DISC1: variants seen among roughly 807,000 people sequenced by gnomAD.
The protein encoded by DISC1 is disrupted in schizophrenia 1 protein.
In DISC1, 57 loss-of-function variants were observed where a neutral mutation model predicts 84.5. The observed-to-expected ratio is 0.67, with a 90% confidence interval of 0.55 to 0.84. The LOEUF is 0.84. DISC1 is among the 40% of genes least tolerant of loss of function. The pLI is 0.00. For missense variants in DISC1, 1,000 were observed against 1,057.8 expected (o/e 0.95, Z 0.76); for synonymous variants, 411 against 415.2 (o/e 0.99, Z 0.12).
At position 231,740,768 on chromosome 1, in the gene DISC1, A is replaced by G. The variant is rs917418838; in HGVS notation, c.1118-9158A>G. ...TATGTTTTTTGTACATCTTATACAC[A>G]TAGTCTGAAGTTAACGCTATGCAAA... On this transcript the variant is annotated intron_variant, in intron 3 of 12. Coordinates refer to ENST00000439617, the MANE Select transcript of DISC1 (RefSeq NM_018662.3). 2.0e-5 allele frequency among the ~76,000 whole-genome samples: 3 copies of G among 152,356 alleles called. No homozygotes were observed. The South Asian group carries it at 6.2e-4, about 32-fold the overall frequency.
At position 232,038,075 on chromosome 1, in the gene DISC1, AAC is replaced by A. The variant is rs369551753; in HGVS notation, c.*1248_*1249del. 4,858 of 152,160 alleles carry A rather than the reference AAC, an allele frequency of 0.032. 233 individuals carry two copies. The highest frequency in any genetic ancestry group is 0.1 in the African/African-American group (4,312 of 41,426). The allele number at this position is 152,160 out of a possible 1,614,324, so 9.4% of individuals were successfully genotyped here. On this transcript the variant is annotated 3_prime_UTR_variant, in exon 13 of 13. Transcript: ENST00000439617. ...TCAGTAAAGCAATGCAATGCTCAGT[AAC>A]ACAGTGCAGTGCTCAATAAGGCAGT... is the stretch of plus-strand genomic sequence containing the variant.
In DISC1 at chr1:231,822,114, C is replaced by T. The variant is rs188234370; in HGVS notation, c.1981+3597C>T. Among the ~76,000 whole-genome samples, 226 of 152,262 alleles carry T rather than the reference C, an allele frequency of 1.5e-3. 3 individuals carry two copies. Among genetic ancestry groups the T allele is most frequent in the African/African-American group, 5.1e-3 (212 of 41,560 alleles). ...TGTACTTTATTAATATTGTTGATTT[C>T]GCACTGTAACTCAGCTATAAAGGAA... On this transcript the variant is annotated intron_variant, in intron 9 of 12. Coordinates refer to ENST00000439617, the MANE Select transcript of DISC1 (RefSeq NM_018662.3).
At chr1:231,885,207 A>G (rs753177768) in intron 9 of DISC1, among the ~76,000 whole-genome samples, 1 of 152,250 alleles carries the variant, frequency 6.6e-6, no homozygotes, top group Non-Finnish European at 1.5e-5. Context: ...AAAAAATGAC[A>G]GGTGGGATCT....
chr1:231,849,346 C>T (rs567677476), intron 9 of DISC1, among the ~76,000 whole-genome samples: 86 of 152,186 alleles, frequency 5.7e-4, no homozygotes, highest in Non-Finnish European at 9.9e-4. Flanking sequence ...TCTTGAACTC[C>T]CTACCTCAGG....
intron 1 of DISC1, among the ~76,000 whole-genome samples, chr1:231,680,705 G>C (rs2063601157): frequency 6.6e-6 from 1 of 152,186 alleles, no homozygotes; most frequent in Non-Finnish European, 1.5e-5. Flanking sequence ...CACAAAGTAA[G>C]AACTTACTTA....
At chr1:231,649,222 CTT>C (rs765010315) in intron 1 of DISC1, among the ~76,000 whole-genome samples, 1 of 152,188 alleles carries the variant, frequency 6.6e-6, no homozygotes, top group Non-Finnish European at 1.5e-5. Flanking sequence ...CTACACACTG[CTT>C]TAAATGTGTC....
chr1:231,705,321 TAAAAAA>T lies in DISC1; in HGVS notation c.1117+3305_1117+3310del, dbSNP rs5781665. Among the ~76,000 whole-genome samples, 4 of 104,106 alleles carry T rather than the reference TAAAAAA, an allele frequency of 3.8e-5. No homozygotes were observed. In the East Asian group the frequency reaches 8.4e-4, roughly 22 times the overall value. 68.3% of individuals were successfully genotyped at this position (104,106 alleles called of 152,430 possible). A position where few individuals can be genotyped will look rare whatever the true frequency, so the allele number is the denominator to read the frequency against. On this transcript the variant is annotated intron_variant, in intron 3 of 12. Transcript: ENST00000439617. ...AAAAAAAAAAAAAAAAAAAAATCAT[TAAAAAA>T]AAAAAAATAAAGGCAGACAAAGACA... is the stretch of plus-strand genomic sequence containing the variant.
chr1:231,694,105 C>T lies in DISC1; in HGVS notation c.347C>T (p.Ala116Val), dbSNP rs56020408. The T allele has an allele frequency of 2.9e-4, 468 of 1,614,166 alleles. 4 individuals are homozygous for T. In the East Asian group the frequency reaches 8.1e-3, roughly 28 times the overall value. ...GTGACCTCTGTGAGAGGAACCTCGG[C>T]GCACTTTGGGATTCAGCTCAGAGGT... ...PTVTSVRGTS[A>V]HFGIQLRGGT... Residue 116 changes from alanine (A) to valine (V), a missense_variant, in exon 2 of 13, where the codon GCG becomes GTG. By Grantham distance (64) the Ala-to-Val change is moderately conservative. This residue lies in a region of DISC1 where 292 missense variants were observed against 280.2 expected (regional missense o/e 1.04). Coordinates refer to ENST00000439617, the MANE Select transcript of DISC1 (RefSeq NM_018662.3).
At position 232,034,897 on chromosome 1, in the gene DISC1, T is replaced by TAA. The variant is rs11376890; in HGVS notation, c.2426-1784_2426-1783dup. On this transcript the variant is annotated intron_variant, in intron 12 of 12. Transcript: ENST00000439617. Reference sequence around the variant, plus strand: ...AGAAATGGAAGCAACCAAAGCCTCTTAAAAAAAAAAAAGAAAGAAAGGTAA... The same window carrying TAA: ...AGAAATGGAAGCAACCAAAGCCTCTTAAAAAAAAAAAAAAGAAAGAAAGGTAA... Among the ~76,000 whole-genome samples, 782 of 146,220 alleles carry TAA rather than the reference T, an allele frequency of 5.3e-3. 7 individuals carry two copies. Among genetic ancestry groups the TAA allele is most frequent in the African/African-American group, 0.019 (748 of 39,998 alleles).
At chr1:231,757,915 G>A (rs927682808) in intron 4 of DISC1, among the ~76,000 whole-genome samples, 3 of 151,480 alleles carry the variant, frequency 2.0e-5, no homozygotes. Context: ...ACTGGGAACC[G>A]TGCTCACAGT....
intron 1 of DISC1, among the ~76,000 whole-genome samples, chr1:231,658,143 T>C (rs1094651): frequency 0.032 from 4,802 of 152,326 alleles, 245 homozygotes; most frequent in African/African-American, 0.11. Context: ...GTTTGTGTCC[T>C]GTACGATTTC....
At chr1:231,801,487 C>T (rs997034883) in intron 8 of DISC1, among the ~76,000 whole-genome samples, 1 of 152,194 alleles carries the variant, frequency 6.6e-6, no homozygotes, top group Non-Finnish European at 1.5e-5. Flanking sequence ...TGGTATATTG[C>T]GTATGGCGCA....
At chr1:231,848,802 C>G (rs1382933305) in intron 9 of DISC1, among the ~76,000 whole-genome samples, 1 of 152,078 alleles carries the variant, frequency 6.6e-6, no homozygotes, top group Non-Finnish European at 1.5e-5. Context: ...GCATATTATG[C>G]CTGATGTCTT....
intron 1 of DISC1, among the ~76,000 whole-genome samples, chr1:231,646,510 G>T (rs1189912220): frequency 6.6e-6 from 1 of 152,140 alleles, no homozygotes; most frequent in Non-Finnish European, 1.5e-5. Flanking sequence ...AATCCTTTGG[G>T]TATATAAATA....
intron 9 of DISC1, among the ~76,000 whole-genome samples, chr1:231,936,427 G>A (rs532909754): frequency 6.6e-6 from 1 of 152,140 alleles, no homozygotes; most frequent in Non-Finnish European, 1.5e-5. Flanking sequence ...ACAGGGTAGG[G>A]TAGGTCTGAC....
intron 9 of DISC1, among the ~76,000 whole-genome samples, chr1:231,828,713 C>T (rs1356474333): frequency 6.6e-6 from 1 of 152,046 alleles, no homozygotes; most frequent in Admixed American, 6.5e-5. Flanking sequence ...TCTGTGCTTG[C>T]AGTACAGGAA....
intron 9 of DISC1, 118 bp downstream of exon 9, chr1:231,818,635 A>G (rs1043771109): frequency 3.3e-6 from 5 of 1,493,248 alleles, no homozygotes; most frequent in Middle Eastern, 3.5e-4. Flanking sequence ...CATGGAGCAC[A>G]TGGCCCTTTT....
chr1:231,704,759 CAAAA>C lies in DISC1; in HGVS notation c.1117+2758_1117+2761del, dbSNP rs146300199. ...TGGGCGACAGAGCGAGACTCCGTCT[CAAAA>C]AAAAAAAAAAAAAAAAAAAAAAGCA... On this transcript the variant is annotated intron_variant, in intron 3 of 12. Transcript: ENST00000439617. Among the ~76,000 whole-genome samples, 4 of 24,354 alleles carry C rather than the reference CAAAA, an allele frequency of 1.6e-4. No homozygotes were observed. The East Asian group carries it at 5.6e-3, about 34-fold the overall frequency. 16.0% of individuals were successfully genotyped at this position (24,354 alleles called of 152,430 possible). A position where few individuals can be genotyped will look rare whatever the true frequency, so the allele number is the denominator to read the frequency against.
intron 9 of DISC1, among the ~76,000 whole-genome samples, chr1:231,821,052 G>A (rs182854392): frequency 2.9e-4 from 44 of 152,258 alleles, no homozygotes; most frequent in African/African-American, 8.4e-4. Context: ...GCTAGATTGT[G>A]AGTCCACCGA....
Sources: gnomAD v4.1 joint callset for allele counts (sites outside exome capture counted in the v4.1 genomes callset) on GRCh38, gnomAD v4.1.1 for gene constraint, gnomAD v4.1.1 regional missense constraint, MANE v1.5 for transcripts, NCBI Gene and HGNC (gene_info 2026-07-23, HGNC 2026-07-21) for gene names.